Variants in DLG2 observed in about 807,000 individuals in gnomAD.
DLG2 encodes the protein disks large homolog 2.
DLG2 carries 45 observed loss-of-function variants against 132.5 expected under a neutral mutation model. That is an observed-to-expected ratio of 0.34 (90% CI 0.27 to 0.44). The LOEUF (loss-of-function observed/expected upper bound fraction) is 0.44. Among genes scored for constraint, DLG2 ranks in the 20% least tolerant of loss-of-function variants. The pLI is 1.00. For missense variants in DLG2, 1,045 were observed against 1,196.9 expected, an observed-to-expected ratio of 0.87 and a Z score of 1.87; for synonymous variants, 424 against 419.6, an observed-to-expected ratio of 1.01 and a Z score of -0.13.
intron 3 of DLG2, among the ~76,000 whole-genome samples, chr11:85,299,508 T>C (rs2079450258): frequency 6.6e-6 from 1 of 152,210 alleles, no homozygotes; most frequent in African/African-American, 2.4e-5. Context: ...CATTTCTCCC[T>C]TCCTCCCCAT....
At chr11:84,064,556 TTGAC>T (rs900198909) in intron 10 of DLG2, among the ~76,000 whole-genome samples, 1 of 152,190 alleles carries the variant, frequency 6.6e-6, no homozygotes, top group African/African-American at 2.4e-5. Flanking sequence ...GAGATTGTTA[TTGAC>T]TGATTGTTAC....
At chr11:84,793,133 A>G (rs925627657) in intron 6 of DLG2, among the ~76,000 whole-genome samples, 1 of 152,140 alleles carries the variant, frequency 6.6e-6, no homozygotes, top group Admixed American at 6.5e-5. Flanking sequence ...TTCTTTCAAA[A>G]AAATTTTCGG....
At chr11:84,315,853 C>T (rs1567268259) in intron 7 of DLG2, among the ~76,000 whole-genome samples, 1 of 152,038 alleles carries the variant, frequency 6.6e-6, no homozygotes, top group African/African-American at 2.4e-5. Context: ...TTCTCTGCAC[C>T]TGTCACCATA....
intron 12 of DLG2, among the ~76,000 whole-genome samples, chr11:83,972,990 G>C (rs956398543): frequency 2.0e-5 from 3 of 152,078 alleles, no homozygotes; most frequent in Non-Finnish European, 4.4e-5. Flanking sequence ...GAGCAAGCAA[G>C]AGTGATTGTT....
intron 6 of DLG2, among the ~76,000 whole-genome samples, chr11:84,772,831 A>G (rs544447115): frequency 1.1e-4 from 17 of 152,206 alleles, no homozygotes; most frequent in Non-Finnish European, 2.4e-4. Flanking sequence ...CTAAAGTCCT[A>G]CATCAAATAT....
At chr11:85,473,051 T>A (rs902696899) in intron 3 of DLG2, among the ~76,000 whole-genome samples, 3 of 152,228 alleles carry the variant, frequency 2.0e-5, no homozygotes, top group African/African-American at 7.2e-5. Flanking sequence ...TCCCCTTGTC[T>A]AGACACGGGC....
At chr11:84,951,669 T>C (rs949906873) in intron 6 of DLG2, among the ~76,000 whole-genome samples, 8 of 149,968 alleles carry the variant, frequency 5.3e-5, no homozygotes, top group East Asian at 1.9e-4. Context: ...TATATATATA[T>C]ACACACACAT....
rs547633779 is a variant in DLG2 at position 85,167,844 on chromosome 11, T to A, written c.187-13193A>T. Among the ~76,000 whole-genome samples the A allele has an allele frequency of 5.9e-4, 90 of 152,278 alleles. 1 individual carries two copies. The highest frequency in any genetic ancestry group is 1.2e-3 in the South Asian group (6 of 4,832). ...CTAGCAATGGATAAGGAAAAGATAT[T>A]ACTTTTTTCCCCTACACTTTTATTT... On this transcript the variant is annotated intron_variant, in intron 4 of 27. Transcript: ENST00000376104.
chr11:85,461,011 T>C (rs1385762911), intron 3 of DLG2, among the ~76,000 whole-genome samples: 1 of 152,206 alleles, frequency 6.6e-6, no homozygotes, highest in African/African-American at 2.4e-5. Context: ...TGAAGAGTAA[T>C]TTCTCAAAGA....
chr11:83,484,175 G>A lies in DLG2; in HGVS notation c.2247C>T (p.Phe749=). 1 of 1,613,438 alleles carries A rather than the reference G, an allele frequency of 6.2e-7. No individual in the cohort carries two copies. Among genetic ancestry groups the A allele is most frequent in the Non-Finnish European group, 8.5e-7 (1 of 1,179,586 alleles). The part of the protein sequence containing the change: ...KSFIFSRKFP[F]YKNKEQSEQE... Reference sequence around the variant, plus strand: ...GCTCACTCTGCTCCTTGTTCTTGTAGAATGGGAATTTTCGTGAAAAGATGA... The same window carrying A: ...GCTCACTCTGCTCCTTGTTCTTGTAAAATGGGAATTTTCGTGAAAAGATGA... The change falls in exon 22 of 28, where the codon TTC becomes TTT. Residue 749 remains phenylalanine (F), a synonymous_variant. Coordinates refer to ENST00000376104, the MANE Select transcript of DLG2 (RefSeq NM_001142699.3).
chr11:84,475,042 G>T (rs2099117908), intron 7 of DLG2, among the ~76,000 whole-genome samples: 1 of 152,148 alleles, frequency 6.6e-6, no homozygotes, highest in African/African-American at 2.4e-5. Context: ...AATGACATTT[G>T]CTATGACCAT....
intron 17 of DLG2, among the ~76,000 whole-genome samples, chr11:83,809,456 G>A (rs1247024625): frequency 6.6e-6 from 1 of 152,096 alleles, no homozygotes; most frequent in Non-Finnish European, 1.5e-5. Flanking sequence ...TAGGTCTCTG[G>A]AGCTTCTTCA....
chr11:83,774,346 C>T (rs546536486), intron 18 of DLG2, among the ~76,000 whole-genome samples: 12 of 152,266 alleles, frequency 7.9e-5, no homozygotes, highest in African/African-American at 1.4e-4. Flanking sequence ...CGATAATTAT[C>T]GCTTATGGAG....
intron 3 of DLG2, among the ~76,000 whole-genome samples, chr11:85,432,150 C>A (rs1323928528): frequency 6.6e-6 from 1 of 152,100 alleles, no homozygotes; most frequent in Non-Finnish European, 1.5e-5. Flanking sequence ...TAAAAGTCCC[C>A]CAAAAAATCT....
chr11:84,390,266 G>A (rs1051945310), intron 7 of DLG2, among the ~76,000 whole-genome samples: 23 of 152,100 alleles, frequency 1.5e-4, no homozygotes, highest in Non-Finnish European at 3.2e-4. Flanking sequence ...TGAATTATGA[G>A]TTCCCCTGAT....
intron 7 of DLG2, among the ~76,000 whole-genome samples, chr11:84,390,885 C>A (rs1028108560): frequency 1.2e-4 from 19 of 152,126 alleles, no homozygotes; most frequent in Non-Finnish European, 1.5e-5. Context: ...AGGGCAGCAG[C>A]GCTCCTTCCT....
intron 22 of DLG2, chr11:83,480,534 AG>A (rs1193498708): frequency 2.9e-5 from 44 of 1,514,442 alleles, no homozygotes; most frequent in Non-Finnish European, 3.7e-5. Context: ...AAAGCCGCAG[AG>A]GAGGCTGCAT....
chr11:84,023,382 C>A (rs1044266775), intron 11 of DLG2, among the ~76,000 whole-genome samples: 1 of 152,030 alleles, frequency 6.6e-6, no homozygotes, highest in Non-Finnish European at 1.5e-5. Flanking sequence ...CATAACAAAC[C>A]TATAGATAAT....
intron 7 of DLG2, among the ~76,000 whole-genome samples, chr11:84,303,428 C>G (rs1257565054): frequency 1.3e-5 from 2 of 152,074 alleles, no homozygotes; most frequent in Non-Finnish European, 2.9e-5. Context: ...TACTGTACTC[C>G]AAGCACTTAT....
Sources: allele counts gnomAD v4.1 joint callset (sites outside exome capture counted in the v4.1 genomes callset), GRCh38; gene constraint gnomAD v4.1.1; transcripts MANE v1.5; gene names NCBI Gene and HGNC (gene_info 2026-07-23, HGNC 2026-07-21).